The following CHMP4B variants were observed in gnomAD, a reference collection of about 807,000 sequenced individuals.
CHMP4B encodes charged multivesicular body protein 4B.
In CHMP4B, 1 loss-of-function variant was observed where a neutral mutation model predicts 25.1. That is an observed-to-expected ratio of 0.04 (90% confidence interval 0.01 to 0.19). The LOEUF (loss-of-function observed/expected upper bound fraction) is 0.19, where lower values mean the gene tolerates loss of function less well. Ranked by LOEUF, CHMP4B falls within the 10% of genes least tolerant of loss-of-function variation. The pLI is 1.00. For synonymous variants in CHMP4B, 101 were observed against 115.6 expected (o/e 0.87, Z 0.81); for missense variants, 151 against 289.7 (o/e 0.52, Z 3.48).
At chr20:33,833,653 T>G (rs1979315008) in intron 1 of CHMP4B, among the ~76,000 whole-genome samples, 1 of 152,220 alleles carries the variant, frequency 6.6e-6, no homozygotes, top group African/African-American at 2.4e-5. Context: ...GTCCTTGAGT[T>G]TCTCTCTTTA....
intron 1 of CHMP4B, among the ~76,000 whole-genome samples, chr20:33,825,887 C>T (rs1424258830): frequency 6.6e-6 from 1 of 152,162 alleles, no homozygotes; most frequent in Non-Finnish European, 1.5e-5. Flanking sequence ...CAGCTCCTTC[C>T]AGGTTTAGGA....
intron 1 of CHMP4B, among the ~76,000 whole-genome samples, chr20:33,837,144 C>T (rs545953309): frequency 2.6e-5 from 4 of 152,224 alleles, no homozygotes; most frequent in African/African-American, 7.2e-5. Context: ...ACTGGCCGGG[C>T]GCGGTGGCTC....
At chr20:33,852,880 C>T (rs2122820038) in intron 4 of CHMP4B, among the ~76,000 whole-genome samples, 1 of 152,308 alleles carries the variant, frequency 6.6e-6, no homozygotes, top group African/African-American at 2.4e-5. Flanking sequence ...TCTTCCCTTC[C>T]CCCATCCCCT....
At chr20:33,812,851 C>T (rs1978673453) in intron 1 of CHMP4B, among the ~76,000 whole-genome samples, 1 of 152,206 alleles carries the variant, frequency 6.6e-6, no homozygotes, top group Admixed American at 6.5e-5. Context: ...CTGGAGGATG[C>T]TTCTCTGCTG....
chr20:33,824,660 T>G (rs578083725), intron 1 of CHMP4B, among the ~76,000 whole-genome samples: 117 of 152,350 alleles, frequency 7.7e-4, no homozygotes, highest in Non-Finnish European at 1.5e-3. Context: ...AGAGTAGGGT[T>G]TCTCAACCTT....
intron 1 of CHMP4B, among the ~76,000 whole-genome samples, chr20:33,824,251 T>C (rs1052075297): frequency 2.0e-5 from 3 of 152,216 alleles, no homozygotes; most frequent in Non-Finnish European, 2.9e-5. Context: ...AATTAAATTG[T>C]GAACCTAGAG....
chr20:33,835,249 C>G (rs1043216908), intron 1 of CHMP4B, among the ~76,000 whole-genome samples: 1 of 151,990 alleles, frequency 6.6e-6, no homozygotes, highest in African/African-American at 2.4e-5. Context: ...TTTTCTTTGT[C>G]TGCTCTTAAC....
intron 1 of CHMP4B, among the ~76,000 whole-genome samples, chr20:33,826,998 T>C (rs1979112807): frequency 1.3e-5 from 2 of 152,224 alleles, no homozygotes; most frequent in Non-Finnish European, 2.9e-5. Context: ...GACAGTGACC[T>C]GTATTTCTGA....
chr20:33,823,080 G>A (rs569261095), intron 1 of CHMP4B, among the ~76,000 whole-genome samples: 7 of 151,946 alleles, frequency 4.6e-5, no homozygotes, highest in South Asian at 2.1e-4. Context: ...GAGCCACCGC[G>A]CCCGGCCCAG....
At chr20:33,844,797 C>T (rs1480642806) in intron 1 of CHMP4B, among the ~76,000 whole-genome samples, 2 of 148,388 alleles carry the variant, frequency 1.3e-5, no homozygotes, top group Admixed American at 6.7e-5. Context: ...CTTGCTCTGT[C>T]GCCCAGGCTG....
In CHMP4B at chr20:33,853,691, T is replaced by A; in HGVS notation, c.*131T>A. Reference sequence around the variant, plus strand: ...GCTTTCGACTCTCACTCCAAAGCAGTAGGGCCGCGTTGCTGCTCACTCTCT... The same window carrying A: ...GCTTTCGACTCTCACTCCAAAGCAGAAGGGCCGCGTTGCTGCTCACTCTCT... On this transcript the variant is annotated 3_prime_UTR_variant, in exon 5 of 5. Transcript: ENST00000217402. The A allele has an allele frequency of 5.3e-6, 3 of 561,276 alleles. No homozygotes were observed. The highest frequency in any genetic ancestry group is 3.0e-5 in the South Asian group (2 of 67,154). The allele number at this position is 561,276 out of a possible 1,614,324, so 34.8% of individuals were successfully genotyped here. A position where few individuals can be genotyped will look rare whatever the true frequency, so the allele number is the denominator to read the frequency against.
intron 1 of CHMP4B, among the ~76,000 whole-genome samples, chr20:33,836,451 A>T (rs1470670812): frequency 6.6e-6 from 1 of 152,050 alleles, no homozygotes; most frequent in Non-Finnish European, 1.5e-5. Flanking sequence ...AAGGCCCTCC[A>T]AGAAGAATTA....
At chr20:33,829,795 A>G (rs7261725) in intron 1 of CHMP4B, among the ~76,000 whole-genome samples, 2,505 of 152,284 alleles carry the variant, frequency 0.016, 72 homozygotes, top group African/African-American at 0.057. Flanking sequence ...TGCCTAATGT[A>G]GGGTCAGCCT....
intron 1 of CHMP4B, among the ~76,000 whole-genome samples, chr20:33,841,291 TGCATTAGCTCC>T: frequency 6.6e-6 from 1 of 152,250 alleles, no homozygotes; most frequent in Non-Finnish European, 1.5e-5. Flanking sequence ...CTAAATGGAG[TGCATTAGCTCC>T]AGGCCAGGGA....
intron 1 of CHMP4B, among the ~76,000 whole-genome samples, chr20:33,818,834 T>C (rs890328218): frequency 6.6e-6 from 1 of 152,238 alleles, no homozygotes; most frequent in African/African-American, 2.4e-5. Flanking sequence ...TTTCATTGAC[T>C]GTCCATTTTT....
intron 4 of CHMP4B, among the ~76,000 whole-genome samples, chr20:33,852,570 A>T (rs1170878906): frequency 6.6e-6 from 1 of 152,202 alleles, no homozygotes; most frequent in African/African-American, 2.4e-5. Context: ...GAGTTATGTC[A>T]ACCAAAAATG....
intron 1 of CHMP4B, among the ~76,000 whole-genome samples, chr20:33,825,011 T>G (rs1979055553): frequency 6.6e-6 from 1 of 152,162 alleles, no homozygotes; most frequent in Admixed American, 6.5e-5. Context: ...CCTTTTGTTG[T>G]TCTGCTGGGG....
chr20:33,829,021 A>G (rs181650747), intron 1 of CHMP4B, among the ~76,000 whole-genome samples: 185 of 152,304 alleles, frequency 1.2e-3, no homozygotes, highest in African/African-American at 4.1e-3. Flanking sequence ...ATGTTTCCCA[A>G]ACACCTTGTA....
At chr20:33,841,486 G>A (rs1453956801) in intron 1 of CHMP4B, among the ~76,000 whole-genome samples, 2 of 152,244 alleles carry the variant, frequency 1.3e-5, no homozygotes, top group African/African-American at 4.8e-5. Context: ...GTGAGCCTGC[G>A]ACAGTGTCAG....
Sources: allele counts gnomAD v4.1 joint callset (sites outside exome capture counted in the v4.1 genomes callset), GRCh38; gene constraint gnomAD v4.1.1; transcripts MANE v1.5; gene names NCBI Gene and HGNC (gene_info 2026-07-23, HGNC 2026-07-21).